Variants in FLI1 observed in about 807,000 individuals in gnomAD.
The protein encoded by FLI1 is Fli-1 proto-oncogene, ETS transcription factor, also known as Friend leukemia integration 1 transcription factor.
A neutral mutation model predicts 53.1 loss-of-function variants in FLI1; 13 were observed. The observed-to-expected ratio is 0.24, with a 90% CI of 0.16 to 0.39. The LOEUF is 0.39. FLI1 is among the 10% of genes least tolerant of loss of function. The pLI, the probability that FLI1 is intolerant of heterozygous loss-of-function variation, is 1.00. For missense variants in FLI1, 424 were observed against 600.5 expected, an observed-to-expected ratio of 0.71 and a Z score of 3.07; for synonymous variants, 244 against 236.7, an observed-to-expected ratio of 1.03 and a Z score of -0.28.
chr11:128,761,353 C>G (rs1030618004), intron 2 of FLI1, among the ~76,000 whole-genome samples: 1 of 152,200 alleles, frequency 6.6e-6, no homozygotes, highest in Non-Finnish European at 1.5e-5. Context: ...CACTCTTTAC[C>G]CTGCTTAGAG....
intron 4 of FLI1, among the ~76,000 whole-genome samples, chr11:128,781,332 C>T (rs1289060882): frequency 2.0e-5 from 3 of 152,224 alleles, no homozygotes; most frequent in Admixed American, 6.5e-5. Context: ...GAAGATACCA[C>T]AGCAGGAAGG....
intron 1 of FLI1, among the ~76,000 whole-genome samples, chr11:128,746,345 A>G (rs1204344606): frequency 6.6e-6 from 1 of 152,188 alleles, no homozygotes; most frequent in Non-Finnish European, 1.5e-5. Flanking sequence ...GGAATCGAAG[A>G]GACAACCAAG....
In FLI1 at chr11:128,810,787, C is replaced by T. The variant is rs370266659; in HGVS notation, c.1158C>T (p.Ser386=). The change falls in exon 9 of 9, where the codon TCC becomes TCT. Residue 386 remains serine (S), a synonymous_variant. Coordinates refer to ENST00000527786, the MANE Select transcript of FLI1 (RefSeq NM_002017.5). This position sits in a 1 kb window ranked among gnomAD's most constrained non-coding sequence, Gnocchi z 6.6. ...SSMYKYPSDI[S]YMPSYHAHQQ... Reference sequence around the variant, plus strand: ...TGTACAAGTACCCTTCTGACATCTCCTACATGCCTTCCTACCATGCCCACC... The same window carrying T: ...TGTACAAGTACCCTTCTGACATCTCTTACATGCCTTCCTACCATGCCCACC... 7 of 1,613,954 alleles carry T rather than the reference C, an allele frequency of 4.3e-6. No homozygotes were observed. In the African/African-American group the frequency reaches 9.3e-5, roughly 22 times the overall value.
chr11:128,766,809 G>A (rs550187009), intron 2 of FLI1, among the ~76,000 whole-genome samples: 99 of 152,078 alleles, frequency 6.5e-4, no homozygotes, highest in African/African-American at 1.0e-3. Context: ...GAGGTTATGC[G>A]GCCTAGAGTT....
chr11:128,731,534 CAAAACAA>C (rs1000457720), intron 1 of FLI1, among the ~76,000 whole-genome samples: 22 of 148,660 alleles, frequency 1.5e-4, no homozygotes, highest in African/African-American at 5.5e-4. Flanking sequence ...AAAACAAAAA[CAAAACAA>C]AAAACAAAAA....
At chr11:128,797,974 C>T (rs1942491271) in intron 5 of FLI1, among the ~76,000 whole-genome samples, 1 of 152,074 alleles carries the variant, frequency 6.6e-6, no homozygotes, top group Admixed American at 6.5e-5. Context: ...GTTACGCAGA[C>T]CCAAGAGTGT....
chr11:128,782,114 T>G (rs1285521389), intron 5 of FLI1, 91 bp downstream of exon 5: 1 of 1,211,492 alleles, frequency 8.3e-7, no homozygotes, highest in East Asian at 2.3e-5. Context: ...AAAACCAGCT[T>G]GCGTGTTCCA....
At chr11:128,719,356 CGTGT>C (rs56336914) in intron 1 of FLI1, among the ~76,000 whole-genome samples, 4,309 of 145,240 alleles carry the variant, frequency 0.03, 207 homozygotes, top group African/African-American at 0.099. Context: ...CCCCTTTTCC[CGTGT>C]GTGTGTGTGT....
intron 1 of FLI1, among the ~76,000 whole-genome samples, chr11:128,728,068 G>A (rs1366270794): frequency 6.6e-6 from 1 of 152,222 alleles, no homozygotes; most frequent in Non-Finnish European, 1.5e-5. Flanking sequence ...ACAAAACGTG[G>A]CCCTCTCCCT....
At chr11:128,733,763 C>A (rs1939794246) in intron 1 of FLI1, among the ~76,000 whole-genome samples, 1 of 152,224 alleles carries the variant, frequency 6.6e-6, no homozygotes, top group Non-Finnish European at 1.5e-5. Flanking sequence ...CTGCCTTTGT[C>A]TAATTAGCCA....
chr11:128,805,652 G>T (rs1038358088), intron 6 of FLI1: 55 of 520,086 alleles, frequency 1.1e-4, no homozygotes, highest in Non-Finnish European at 2.4e-5. Context: ...TATTGCGCTC[G>T]GTTTTAGAAC....
In FLI1 at chr11:128,811,344, C is replaced by G. The variant is rs1736571983; in HGVS notation, c.*356C>G. 5.4e-6 allele frequency: 2 copies of G among 371,042 alleles called. No homozygotes were observed. Among genetic ancestry groups the G allele is most frequent in the African/African-American group, 4.2e-5 (2 of 48,118 alleles). 23.0% of individuals were successfully genotyped at this position (371,042 alleles called of 1,614,324 possible). A position where few individuals can be genotyped will look rare whatever the true frequency, so the allele number is the denominator to read the frequency against. On this transcript the variant is annotated 3_prime_UTR_variant, in exon 9 of 9. Coordinates refer to ENST00000527786, the MANE Select transcript of FLI1 (RefSeq NM_002017.5). ...TTTTATGACCAAAGCAGTTTCTTGT[C>G]AATACACGGGGTTCAGTATGACACA...
chr11:128,713,048 G>T (rs1465573646), intron 1 of FLI1, among the ~76,000 whole-genome samples: 6 of 152,158 alleles, frequency 3.9e-5, no homozygotes, highest in Non-Finnish European at 8.8e-5. Context: ...ACACATCATT[G>T]CGAAGGTCAA....
At chr11:128,765,703 C>A (rs1330829192) in intron 2 of FLI1, among the ~76,000 whole-genome samples, 5 of 152,264 alleles carry the variant, frequency 3.3e-5, no homozygotes, top group Admixed American at 2.6e-4. Context: ...CTTCAAACTT[C>A]TGCAGCACTT....
At chr11:128,759,065 C>T (rs1283693796) in intron 2 of FLI1, among the ~76,000 whole-genome samples, 1 of 152,210 alleles carries the variant, frequency 6.6e-6, no homozygotes, top group African/African-American at 2.4e-5. Flanking sequence ...CTTACTCTAG[C>T]GTTACTCTGA....
intron 1 of FLI1, among the ~76,000 whole-genome samples, chr11:128,699,940 G>T (rs1205180785): frequency 6.6e-6 from 1 of 152,192 alleles, no homozygotes; most frequent in African/African-American, 2.4e-5. Flanking sequence ...TTGCATGTCT[G>T]TTAGGCAGGG....
At chr11:128,775,098 A>G (rs568989539) in intron 4 of FLI1, among the ~76,000 whole-genome samples, 1 of 152,302 alleles carries the variant, frequency 6.6e-6, no homozygotes, top group Non-Finnish European at 1.5e-5. Context: ...TCCAGAGTGG[A>G]GAGGAGGTGG....
Position 128,805,443 on chromosome 11 carries a change from T to G in FLI1, c.721+12T>G, listed in dbSNP as rs763837120. 6.6e-7 allele frequency: 1 copy of G among 1,518,634 alleles called. No homozygotes were observed. The highest frequency in any genetic ancestry group is 1.2e-5 in the South Asian group (1 of 84,036). The allele number at this position is 1,518,634 out of a possible 1,614,324, so 94.1% of individuals were successfully genotyped here. On this transcript the variant is annotated intron_variant, in intron 6 of 8. Coordinates refer to ENST00000527786, the MANE Select transcript of FLI1 (RefSeq NM_002017.5). ...TGGCCTCAACAAAAGTAAGTAAATGTTTTATAGTTCTTTGGAGGAAAGCAT... is the reference window on the plus strand; with the variant it reads ...TGGCCTCAACAAAAGTAAGTAAATGGTTTATAGTTCTTTGGAGGAAAGCAT...
chr11:128,758,375 A>G, intron 2 of FLI1, 49 bp downstream of exon 2: 1 of 1,516,956 alleles, frequency 6.6e-7, no homozygotes, highest in Non-Finnish European at 9.1e-7. Flanking sequence ...CAAAGTCGCC[A>G]GATCTGCAGC....
Sources: gnomAD v4.1 joint callset for allele counts (sites outside exome capture counted in the v4.1 genomes callset) on GRCh38, gnomAD v4.1.1 for gene constraint, Gnocchi (gnomAD v3.1) non-coding constraint, MANE v1.5 for transcripts, NCBI Gene and HGNC (gene_info 2026-07-23, HGNC 2026-07-21) for gene names.